FRMD6: variants seen among roughly 807,000 people sequenced by gnomAD.
FRMD6 encodes FERM domain-containing protein 6.
FRMD6 carries 37 observed loss-of-function variants against 73.2 expected under a neutral mutation model. The ratio of observed to expected loss-of-function variants is 0.51; its 90% CI spans 0.39 to 0.66. FRMD6 has a LOEUF of 0.66. FRMD6 is among the 30% of genes least tolerant of loss of function. The probability of loss-of-function intolerance (pLI) is 0.00; values close to 1 mark genes in which losing one functional copy is unlikely to be tolerated. For synonymous variants in FRMD6, 273 were observed against 282.2 expected, an observed-to-expected ratio of 0.97 and a Z score of 0.33; for missense variants, 714 against 780.5, an observed-to-expected ratio of 0.91 and a Z score of 1.02.
At chr14:51,608,496 G>A (rs1890355352) in intron 2 of FRMD6, among the ~76,000 whole-genome samples, 1 of 152,094 alleles carries the variant, frequency 6.6e-6, no homozygotes, top group African/African-American at 2.4e-5. Context: ...CCTAAGGAAA[G>A]ATGAAATCCT....
At chr14:51,404,489 ATTC>A in the FRMD6 span, among the ~76,000 whole-genome samples, 14 of 152,124 alleles carry the variant, frequency 9.2e-5, no homozygotes, top group South Asian at 2.1e-4. Context: ...TCATAAAGAT[ATTC>A]TTCTATTTTT....
the FRMD6 span, among the ~76,000 whole-genome samples, chr14:51,429,759 T>G: frequency 6.6e-6 from 1 of 152,340 alleles, no homozygotes; most frequent in Middle Eastern, 3.4e-3. Flanking sequence ...TTTTTAATAT[T>G]TATAAAATAA....
the FRMD6 span, among the ~76,000 whole-genome samples, chr14:51,413,434 T>A: frequency 8.5e-5 from 13 of 152,328 alleles, no homozygotes; most frequent in African/African-American, 2.4e-4. Context: ...CTTGTGATAG[T>A]TTGCTCAGAA....
At chr14:51,531,066 T>A (rs1367353947) in intron 1 of FRMD6, among the ~76,000 whole-genome samples, 1 of 152,174 alleles carries the variant, frequency 6.6e-6, no homozygotes, top group Non-Finnish European at 1.5e-5. Context: ...ACTAGTGGCC[T>A]CAAGCCCTTT....
chr14:51,545,972 A>T (rs4901135), intron 1 of FRMD6, among the ~76,000 whole-genome samples: 55,674 of 152,022 alleles, frequency 0.37, 10,385 homozygotes, highest in East Asian at 0.47. Flanking sequence ...ATTAAAGTTG[A>T]AAAAAATGAA....
At chr14:51,530,510 T>C (rs966907762) in intron 1 of FRMD6, among the ~76,000 whole-genome samples, 1 of 152,208 alleles carries the variant, frequency 6.6e-6, no homozygotes, top group African/African-American at 2.4e-5. Flanking sequence ...AGACAGGGTC[T>C]TACTCTGTCA....
chr14:51,467,555 C>T, the FRMD6 span, among the ~76,000 whole-genome samples: 1 of 151,776 alleles, frequency 6.6e-6, no homozygotes, highest in African/African-American at 2.4e-5. Flanking sequence ...GGCAGAGGCG[C>T]CCCCAACCTC....
At chr14:51,702,327 T>A (rs1896372697) in intron 4 of FRMD6, among the ~76,000 whole-genome samples, 185 bp from the exon 5 acceptor site, 1 of 152,032 alleles carries the variant, frequency 6.6e-6, no homozygotes, top group Non-Finnish European at 1.5e-5. Context: ...TTCCTAATTG[T>A]ATATGAACCT....
chr14:51,730,348 C>A lies in FRMD6; in HGVS notation c.*2319C>A, dbSNP rs959533708. 2 of 152,088 alleles carry A rather than the reference C, an allele frequency of 1.3e-5. No homozygotes were observed. Among genetic ancestry groups the A allele is most frequent in the Non-Finnish European group, 2.9e-5 (2 of 68,018 alleles). 9.4% of individuals were successfully genotyped at this position (152,088 alleles called of 1,614,324 possible). A position where few individuals can be genotyped will look rare whatever the true frequency, so the allele number is the denominator to read the frequency against. The stretch of plus-strand genomic sequence containing the variant: ...GCTAAGAACACTTCTGCTTTTTGAT[C>A]CACTGTTTGCAGCAGAATTATATAT... On this transcript the variant is annotated 3_prime_UTR_variant, in exon 14 of 14. Transcript: ENST00000344768.
intron 3 of FRMD6, among the ~76,000 whole-genome samples, chr14:51,698,789 T>C (rs1035850026): frequency 6.6e-6 from 1 of 152,102 alleles, no homozygotes; most frequent in Non-Finnish European, 1.5e-5. Context: ...GGAGAAGATT[T>C]TTAAGTAAAG....
chr14:51,439,846 A>C, the FRMD6 span, among the ~76,000 whole-genome samples: 2 of 152,206 alleles, frequency 1.3e-5, no homozygotes, highest in Admixed American at 1.3e-4. Flanking sequence ...TGCTAGCGTA[A>C]CCAGAGTAGG....
chr14:51,635,308 A>G (rs1891510645), intron 2 of FRMD6, among the ~76,000 whole-genome samples: 1 of 152,192 alleles, frequency 6.6e-6, no homozygotes, highest in Admixed American at 6.5e-5. Flanking sequence ...AGGCAAGAGG[A>G]TCGTTTGACC....
chr14:51,578,229 G>T (rs1888511922), intron 2 of FRMD6, among the ~76,000 whole-genome samples: 1 of 152,022 alleles, frequency 6.6e-6, no homozygotes, highest in Admixed American at 6.6e-5. Flanking sequence ...TGACATATGT[G>T]ATTTCACTTG....
At chr14:51,579,670 G>C (rs550561512) in intron 2 of FRMD6, among the ~76,000 whole-genome samples, 1 of 152,150 alleles carries the variant, frequency 6.6e-6, no homozygotes, top group East Asian at 1.9e-4. Flanking sequence ...TGAGAGAAGA[G>C]GTGCTATGAT....
At chr14:51,580,972 G>A (rs1288122525) in intron 2 of FRMD6, among the ~76,000 whole-genome samples, 3 of 152,072 alleles carry the variant, frequency 2.0e-5, no homozygotes, top group African/African-American at 4.8e-5. Context: ...GGAACCAAAC[G>A]AAGACCTATT....
the FRMD6 span, among the ~76,000 whole-genome samples, chr14:51,402,490 CTT>C: frequency 2.0e-5 from 3 of 152,174 alleles, no homozygotes; most frequent in African/African-American, 7.2e-5. Context: ...AAAGCCCTCT[CTT>C]TGCCTGCTGC....
At chr14:51,669,985 G>T (rs117488502) in intron 1 of FRMD6, among the ~76,000 whole-genome samples, 2 of 152,052 alleles carry the variant, frequency 1.3e-5, no homozygotes, top group Non-Finnish European at 2.9e-5. Context: ...AGTAATTTCT[G>T]TATAAGGGCT....
chr14:51,642,276 A>C (rs1891847858), intron 2 of FRMD6, among the ~76,000 whole-genome samples: 1 of 152,122 alleles, frequency 6.6e-6, no homozygotes, highest in South Asian at 2.1e-4. Flanking sequence ...ATGGTGGCTC[A>C]CGCTTGTAAT....
At chr14:51,561,506 G>A (rs1887479143) in intron 1 of FRMD6, among the ~76,000 whole-genome samples, 1 of 152,208 alleles carries the variant, frequency 6.6e-6, no homozygotes. Flanking sequence ...GACAACAGAG[G>A]CTGAAGCTGT....
Sources: allele counts gnomAD v4.1 joint callset (sites outside exome capture counted in the v4.1 genomes callset), GRCh38; gene constraint gnomAD v4.1.1; transcripts MANE v1.5; gene names NCBI Gene and HGNC (gene_info 2026-07-23, HGNC 2026-07-21).